The following CEP128 variants were observed in gnomAD, a reference collection of about 807,000 sequenced individuals.
CEP128 encodes the protein centrosomal protein 128.
CEP128 carries 132 observed loss-of-function variants against 156.7 expected under a neutral mutation model. The ratio of observed to expected loss-of-function variants is 0.84; its 90% CI spans 0.73 to 0.97. CEP128 has a LOEUF of 0.97. CEP128 is among the 50% of genes least tolerant of loss of function. CEP128 has a pLI of 0.00. For missense variants in CEP128, 1,252 were observed against 1,281.9 expected, an observed-to-expected ratio of 0.98 and a Z score of 0.36; for synonymous variants, 469 against 448.9, an observed-to-expected ratio of 1.04 and a Z score of -0.57.
intron 21 of CEP128, among the ~76,000 whole-genome samples, chr14:80,546,202 T>C (rs190169878): frequency 1.8e-3 from 281 of 152,308 alleles, no homozygotes; most frequent in African/African-American, 6.6e-3. Context: ...TTTTAAAATT[T>C]AGAAAAGGAC....
intron 9 of CEP128, among the ~76,000 whole-genome samples, chr14:80,850,221 G>A (rs1886819589): frequency 6.6e-6 from 1 of 152,086 alleles, no homozygotes; most frequent in African/African-American, 2.4e-5. Context: ...GGGTAACACC[G>A]TTTCAAATTT....
chr14:80,532,292 C>T (rs1263844378), intron 21 of CEP128, among the ~76,000 whole-genome samples: 1 of 152,034 alleles, frequency 6.6e-6, no homozygotes, highest in Non-Finnish European at 1.5e-5. Flanking sequence ...CTCCTGGGCT[C>T]AAGGGATCCT....
At chr14:80,606,658 A>T (rs987183505) in intron 19 of CEP128, among the ~76,000 whole-genome samples, 7 of 152,122 alleles carry the variant, frequency 4.6e-5, no homozygotes, top group Non-Finnish European at 1.0e-4. Flanking sequence ...TGTTTGGGAA[A>T]CAGAATGTAC....
chr14:80,612,943 CA>C (rs1454532660), intron 19 of CEP128, among the ~76,000 whole-genome samples: 3 of 151,704 alleles, frequency 2.0e-5, no homozygotes, highest in Non-Finnish European at 2.9e-5. Context: ...CGGGTTCAAG[CA>C]ATTCTCCTGC....
chr14:80,687,954 C>G (rs574700370), intron 19 of CEP128, among the ~76,000 whole-genome samples: 1 of 152,190 alleles, frequency 6.6e-6, no homozygotes, highest in African/African-American at 2.4e-5. Flanking sequence ...ATTTTTATCC[C>G]TCCATTAAAA....
chr14:80,498,373 A>T (rs1171792236), intron 24 of CEP128, among the ~76,000 whole-genome samples: 1 of 152,082 alleles, frequency 6.6e-6, no homozygotes, highest in Non-Finnish European at 1.5e-5. Context: ...CTTTCGGAAA[A>T]GTCAATCAAA....
intron 15 of CEP128, among the ~76,000 whole-genome samples, chr14:80,780,082 T>C (rs1816807136): frequency 6.6e-6 from 1 of 152,152 alleles, no homozygotes; most frequent in Admixed American, 6.5e-5. Context: ...CATTAAAACA[T>C]TTTAAATTTA....
At chr14:80,855,695 C>T (rs533395798) in intron 9 of CEP128, among the ~76,000 whole-genome samples, 1 of 152,176 alleles carries the variant, frequency 6.6e-6, no homozygotes, top group East Asian at 1.9e-4. Context: ...TTGGAAAGGC[C>T]TCCACGACTC....
chr14:80,934,334 A>T (rs996572492), intron 2 of CEP128, among the ~76,000 whole-genome samples: 1 of 152,244 alleles, frequency 6.6e-6, no homozygotes. Flanking sequence ...TATTGAGCAG[A>T]CCTTAAAATT....
chr14:80,880,908 A>AATAATTATT (rs779984422), intron 8 of CEP128, among the ~76,000 whole-genome samples: 171 of 133,618 alleles, frequency 1.3e-3, no homozygotes, highest in African/African-American at 4.0e-3. Flanking sequence ...TAATAATAAT[A>AATAATTATT]ATTTCAGTAA....
chr14:80,584,141 ATTTTTTTT>A (rs992004088), intron 19 of CEP128, among the ~76,000 whole-genome samples: 1 of 117,372 alleles, frequency 8.5e-6, no homozygotes, highest in African/African-American at 3.5e-5. Flanking sequence ...CGTCCGTGAC[ATTTTTTTT>A]TTTTTTTTTT....
intron 19 of CEP128, among the ~76,000 whole-genome samples, chr14:80,737,954 T>G (rs1042475300): frequency 2.0e-5 from 3 of 152,168 alleles, no homozygotes; most frequent in African/African-American, 7.2e-5. Context: ...AAATAAATGA[T>G]ATTACATTTA....
chr14:80,570,636 T>A (rs1443633751), intron 20 of CEP128, among the ~76,000 whole-genome samples: 2 of 151,550 alleles, frequency 1.3e-5, no homozygotes, highest in Non-Finnish European at 2.9e-5. Context: ...ATTGTGAGAG[T>A]GTGTGTGTGT....
downstream of CEP128, among the ~76,000 whole-genome samples, chr14:80,486,337 C>T (rs1241656339): frequency 1.3e-5 from 2 of 151,928 alleles, no homozygotes; most frequent in Non-Finnish European, 2.9e-5. Flanking sequence ...TAAAAAGAAA[C>T]AAACAAAGCC....
At chr14:80,653,304 A>G (rs8006458) in intron 19 of CEP128, among the ~76,000 whole-genome samples, 86,425 of 151,910 alleles carry the variant, frequency 0.57, 25,034 homozygotes, top group Admixed American at 0.6. Flanking sequence ...TGCACATTCT[A>G]CACATGCACC....
At chr14:80,561,259 A>T (rs925708882) in intron 20 of CEP128, among the ~76,000 whole-genome samples, 2 of 152,212 alleles carry the variant, frequency 1.3e-5, no homozygotes, top group African/African-American at 4.8e-5. Context: ...AATCTGTTTA[A>T]TTGCATTTTG....
intron 8 of CEP128, among the ~76,000 whole-genome samples, chr14:80,892,164 A>T (rs1055294004): frequency 6.6e-6 from 1 of 152,042 alleles, no homozygotes; most frequent in Admixed American, 6.6e-5. Flanking sequence ...AAATTATATA[A>T]CAAAGCTATA....
At chr14:80,755,696 T>A (rs1899620941) in intron 18 of CEP128, among the ~76,000 whole-genome samples, 2 of 152,228 alleles carry the variant, frequency 1.3e-5, no homozygotes, top group South Asian at 4.1e-4. Context: ...TGATTTCAGA[T>A]CTTATCTTCA....
intron 8 of CEP128, among the ~76,000 whole-genome samples, chr14:80,887,359 A>C (rs961666472): frequency 8.5e-5 from 13 of 152,238 alleles, no homozygotes; most frequent in African/African-American, 3.1e-4. Context: ...TTATTATAAA[A>C]TTGACCACAT....
Sources: gnomAD v4.1 joint callset for allele counts (sites outside exome capture counted in the v4.1 genomes callset) on GRCh38, gnomAD v4.1.1 for gene constraint, MANE v1.5 for transcripts, NCBI Gene and HGNC (gene_info 2026-07-23, HGNC 2026-07-21) for gene names.